Variants in MCTP2 observed in about 807,000 individuals in gnomAD.
MCTP2 encodes the protein multiple C2 and transmembrane domain-containing protein 2.
A neutral mutation model predicts 111.6 loss-of-function variants in MCTP2; 132 were observed. The ratio of observed to expected loss-of-function variants is 1.18; its 90% CI spans 1.03 to 1.37. The LOEUF is 1.37. Among genes scored for constraint, MCTP2 ranks in the 40% most tolerant of loss-of-function variants. The pLI is 0.00. For missense variants in MCTP2, 1,183 were observed against 1,067.9 expected, an observed-to-expected ratio of 1.11 and a Z score of -1.50; for synonymous variants, 395 against 387.7, an observed-to-expected ratio of 1.02 and a Z score of -0.22.
intron 17 of MCTP2, among the ~76,000 whole-genome samples, chr15:94,404,004 C>T (rs1180562591): frequency 6.6e-6 from 1 of 152,188 alleles, no homozygotes; most frequent in Non-Finnish European, 1.5e-5. Context: ...CCTGAAAGTA[C>T]TGGAATAAAA....
chr15:94,345,296 C>A (rs568285043), intron 8 of MCTP2, 132 bp downstream of exon 8: 4 of 900,916 alleles, frequency 4.4e-6, no homozygotes, highest in African/African-American at 1.7e-5. Flanking sequence ...ACTGCTGTTA[C>A]GAATAAGAAA....
chr15:94,300,467 G>A (rs1019851788), intron 2 of MCTP2, among the ~76,000 whole-genome samples: 13 of 145,184 alleles, frequency 9.0e-5, no homozygotes, highest in African/African-American at 2.9e-4. Flanking sequence ...CTAAGATCGC[G>A]CCACTGCACT....
chr15:94,243,320 CATACGTATGCG>C (rs2071231554), intron 1 of MCTP2, among the ~76,000 whole-genome samples: 1 of 137,400 alleles, frequency 7.3e-6, no homozygotes, highest in Non-Finnish European at 1.6e-5. Context: ...CGTATGCGTA[CATACGTATGCG>C]TATATGCGTA....
At chr15:94,277,910 C>T (rs572972029) in intron 1 of MCTP2, among the ~76,000 whole-genome samples, 321 of 151,884 alleles carry the variant, frequency 2.1e-3, no homozygotes, top group Middle Eastern at 6.8e-3. Flanking sequence ...TAAATAAAAG[C>T]GAAGAAATGT....
intron 17 of MCTP2, chr15:94,402,569 T>C: frequency 6.4e-7 from 1 of 1,551,648 alleles, no homozygotes; most frequent in Non-Finnish European, 8.7e-7. Flanking sequence ...CATAATAAAA[T>C]CGCAGAATCA....
intron 11 of MCTP2, among the ~76,000 whole-genome samples, chr15:94,368,441 T>C (rs1353183368): frequency 6.6e-6 from 1 of 152,188 alleles, no homozygotes; most frequent in African/African-American, 2.4e-5. Context: ...TCTGTATAAA[T>C]CAATATGTTT....
At position 94,440,156 on chromosome 15, in the gene MCTP2, C is replaced by T. The variant is rs775105982; in HGVS notation, c.2086-20C>T. 4 of 1,611,834 alleles carry T rather than the reference C, an allele frequency of 2.5e-6. No homozygotes were observed. In the African/African-American group the frequency reaches 5.3e-5, roughly 22 times the overall value. On this transcript the variant is annotated intron_variant, in intron 17 of 22. Transcript: ENST00000357742. ...GTGTTTTATCAAGCAGTCGTGTATT[C>T]TTATTTGTCTTTCAATCAGGTATTT...
At chr15:94,402,784 T>A in intron 17 of MCTP2, 1 of 1,412,998 alleles carries the variant, frequency 7.1e-7, no homozygotes, top group Non-Finnish European at 9.2e-7. Context: ...CTTTGTATAT[T>A]TGGTATCATG....
At chr15:94,473,921 G>A (rs2074128734) in intron 21 of MCTP2, among the ~76,000 whole-genome samples, 2 of 150,974 alleles carry the variant, frequency 1.3e-5, no homozygotes, top group African/African-American at 2.4e-5. Flanking sequence ...AAGCAGCCAT[G>A]CAATTTTTCC....
chr15:94,256,083 T>C (rs2072748025), intron 1 of MCTP2, among the ~76,000 whole-genome samples: 1 of 152,182 alleles, frequency 6.6e-6, no homozygotes, highest in Admixed American at 6.5e-5. Context: ...TACAAAATGT[T>C]GCAAAATCCA....
intron 17 of MCTP2, among the ~76,000 whole-genome samples, chr15:94,436,351 A>G (rs1296437052): frequency 6.6e-6 from 1 of 152,164 alleles, no homozygotes; most frequent in Admixed American, 6.5e-5. Context: ...AGATGCTTAG[A>G]TAATTAGACT....
chr15:94,343,217 C>A (rs2152407644), intron 7 of MCTP2: 1 of 151,884 alleles, frequency 6.6e-6, no homozygotes, highest in Non-Finnish European at 1.5e-5. Flanking sequence ...ATATTGGGAG[C>A]CTTGGGGTAA....
intron 8 of MCTP2, among the ~76,000 whole-genome samples, chr15:94,354,166 A>T (rs908390557): frequency 1.3e-5 from 2 of 152,124 alleles, no homozygotes; most frequent in Non-Finnish European, 2.9e-5. Flanking sequence ...AGAGAAGAGG[A>T]TAGTTCTTTC....
At chr15:94,328,426 C>T (rs531372714) in intron 4 of MCTP2, among the ~76,000 whole-genome samples, 3 of 152,308 alleles carry the variant, frequency 2.0e-5, no homozygotes, top group Non-Finnish European at 4.4e-5. Flanking sequence ...CCGCGCCCGG[C>T]CTATCAAGTG....
chr15:94,404,513 G>C (rs2081797170), intron 17 of MCTP2, among the ~76,000 whole-genome samples: 1 of 151,978 alleles, frequency 6.6e-6, no homozygotes, highest in South Asian at 2.1e-4. Context: ...TATTGGCCAG[G>C]CTGGTCTTGA....
chr15:94,240,069 T>G (rs1333588895), intron 1 of MCTP2, among the ~76,000 whole-genome samples: 1 of 152,038 alleles, frequency 6.6e-6, no homozygotes, highest in Non-Finnish European at 1.5e-5. Flanking sequence ...ATTGGTAGTT[T>G]TTTTTTTGTT....
intron 1 of MCTP2, among the ~76,000 whole-genome samples, chr15:94,290,557 A>G (rs184542741): frequency 6.6e-6 from 1 of 152,350 alleles, no homozygotes; most frequent in Non-Finnish European, 1.5e-5. Context: ...AGACCTATCA[A>G]GTACTATGTT....
intron 1 of MCTP2, among the ~76,000 whole-genome samples, chr15:94,261,085 T>C (rs1300266728): frequency 2.0e-5 from 3 of 152,128 alleles, no homozygotes; most frequent in African/African-American, 7.2e-5. Flanking sequence ...TAAATCTACC[T>C]GTGACCTGGA....
chr15:94,261,898 G>A (rs907094997), intron 1 of MCTP2, among the ~76,000 whole-genome samples: 3 of 152,048 alleles, frequency 2.0e-5, no homozygotes, highest in Non-Finnish European at 4.4e-5. Context: ...AAAACTGTGT[G>A]GTCTGTGTGA....
Sources: gnomAD v4.1 joint callset for allele counts (sites outside exome capture counted in the v4.1 genomes callset) on GRCh38, gnomAD v4.1.1 for gene constraint, MANE v1.5 for transcripts, NCBI Gene and HGNC (gene_info 2026-07-23, HGNC 2026-07-21) for gene names.